The following PPARGC1A variants were observed in gnomAD, a reference collection of about 807,000 sequenced individuals.
PPARGC1A encodes the protein PPARG coactivator 1 alpha.
In PPARGC1A, 25 loss-of-function variants were observed where a neutral mutation model predicts 88.7. That is an observed-to-expected ratio of 0.28 (90% CI 0.21 to 0.39). The LOEUF is 0.39. PPARGC1A is among the 10% of genes least tolerant of loss of function. PPARGC1A has a pLI of 1.00. For synonymous variants in PPARGC1A, 363 were observed against 355.6 expected (o/e 1.02, Z -0.24); for missense variants, 880 against 968.7 (o/e 0.91, Z 1.22).
the PPARGC1A span, among the ~76,000 whole-genome samples, chr4:24,461,178 C>G: frequency 6.6e-6 from 1 of 152,224 alleles, no homozygotes; most frequent in Non-Finnish European, 1.5e-5. Flanking sequence ...TCTGCTTCAG[C>G]CTCCCAAACG....
chr4:24,458,436 G>T, the PPARGC1A span, among the ~76,000 whole-genome samples: 1 of 152,236 alleles, frequency 6.6e-6, no homozygotes, highest in African/African-American at 2.4e-5. Context: ...AGGAGGCAGA[G>T]GTTGCAGTGA....
chr4:24,179,600 C>T, the PPARGC1A span, among the ~76,000 whole-genome samples: 2 of 152,122 alleles, frequency 1.3e-5, no homozygotes, highest in African/African-American at 4.8e-5. Flanking sequence ...GCCTGACGAG[C>T]CCCCAATACA....
the PPARGC1A span, among the ~76,000 whole-genome samples, chr4:24,267,316 C>A: frequency 6.6e-6 from 1 of 152,112 alleles, no homozygotes; most frequent in Non-Finnish European, 1.5e-5. Context: ...TACAATGTAG[C>A]CCACAGAGAA....
the PPARGC1A span, among the ~76,000 whole-genome samples, chr4:24,359,984 T>C: frequency 3.9e-5 from 6 of 152,090 alleles, no homozygotes; most frequent in Non-Finnish European, 8.8e-5. Context: ...CCCATCTGAG[T>C]AGAAGGTAAA....
the PPARGC1A span, among the ~76,000 whole-genome samples, chr4:24,352,502 G>GT: frequency 1.2e-4 from 19 of 152,214 alleles, no homozygotes; most frequent in African/African-American, 4.6e-4. Flanking sequence ...ATGGCACCCA[G>GT]TTCATCCCCA....
At chr4:24,200,175 C>T in the PPARGC1A span, among the ~76,000 whole-genome samples, 22 of 151,990 alleles carry the variant, frequency 1.4e-4, no homozygotes, top group Admixed American at 2.0e-4. Flanking sequence ...CAGCATGATA[C>T]CACTATGTCA....
the PPARGC1A span, among the ~76,000 whole-genome samples, chr4:24,239,259 A>G: frequency 6.6e-6 from 1 of 152,226 alleles, no homozygotes; most frequent in Non-Finnish European, 1.5e-5. Flanking sequence ...CTGATGGTCC[A>G]TGAAGGAAAT....
the PPARGC1A span, among the ~76,000 whole-genome samples, chr4:23,912,867 C>T: frequency 7.3e-5 from 11 of 151,314 alleles, no homozygotes; most frequent in African/African-American, 2.7e-4. Context: ...CTGCTCACTA[C>T]AAACTCCGCT....
At chr4:24,270,646 T>C in the PPARGC1A span, among the ~76,000 whole-genome samples, 95,836 of 152,006 alleles carry the variant, frequency 0.63, 30,923 homozygotes, top group East Asian at 0.99. Context: ...AAAGGAAAGT[T>C]GTGTAACTTA....
At chr4:24,162,543 G>A in the PPARGC1A span, among the ~76,000 whole-genome samples, 1 of 151,522 alleles carries the variant, frequency 6.6e-6, no homozygotes, top group Non-Finnish European at 1.5e-5. Flanking sequence ...AAGATGAAGT[G>A]GGATACATAT....
chr4:23,829,762 T>C, intron 3 of PPARGC1A, 177 bp from the exon 4 acceptor site: 3 of 509,984 alleles, frequency 5.9e-6, no homozygotes, highest in East Asian at 4.2e-5. Context: ...ATTTAAAGAG[T>C]AGAAAAAAGT....
At chr4:24,438,179 T>C in the PPARGC1A span, among the ~76,000 whole-genome samples, 3 of 152,078 alleles carry the variant, frequency 2.0e-5, no homozygotes, top group Non-Finnish European at 4.4e-5. Context: ...CCCTTGGGGA[T>C]AGATTTGATG....
the PPARGC1A span, among the ~76,000 whole-genome samples, chr4:24,089,514 C>CTTTCT: frequency 9.8e-4 from 38 of 38,686 alleles, no homozygotes; most frequent in East Asian, 6.0e-3. Context: ...TCTTTTCTTT[C>CTTTCT]TTTTTTTTTT....
the PPARGC1A span, among the ~76,000 whole-genome samples, chr4:24,134,907 T>C: frequency 6.6e-6 from 1 of 152,068 alleles, no homozygotes; most frequent in Admixed American, 6.5e-5. Flanking sequence ...CAAAGAAAAA[T>C]GTAATTCTGG....
chr4:24,202,840 C>T, the PPARGC1A span, among the ~76,000 whole-genome samples: 18 of 152,286 alleles, frequency 1.2e-4, no homozygotes, highest in East Asian at 3.3e-3. Flanking sequence ...GCCCCTATTT[C>T]AGAAAAGAGT....
the PPARGC1A span, among the ~76,000 whole-genome samples, chr4:24,456,940 C>T: frequency 7.1e-3 from 1,081 of 152,166 alleles, 7 homozygotes; most frequent in Non-Finnish European, 0.011. Context: ...TTCCTGCACA[C>T]GCAGATGCTG....
chr4:24,470,277 G>GACACACACACAGAC, the PPARGC1A span, among the ~76,000 whole-genome samples: 3 of 110,676 alleles, frequency 2.7e-5, no homozygotes, highest in Non-Finnish European at 5.6e-5. The surrounding 1 kb of genome is among the most constrained non-coding windows in gnomAD (Gnocchi z 5.8). Flanking sequence ...GACAGACACA[G>GACACACACACAGAC]ACACACACAC....
the PPARGC1A span, among the ~76,000 whole-genome samples, chr4:24,387,766 G>GAGAAAGAAAGAAAGAAAGAAAGAA: frequency 1.9e-5 from 1 of 52,050 alleles, no homozygotes; most frequent in Admixed American, 2.9e-4. Flanking sequence ...GAGAGAGAGA[G>GAGAAAGAAAGAAAGAAAGAAAGAA]AGAAAGAAAG....
chr4:24,175,278 T>A, the PPARGC1A span, among the ~76,000 whole-genome samples: 1 of 152,032 alleles, frequency 6.6e-6, no homozygotes, highest in Non-Finnish European at 1.5e-5. Flanking sequence ...CCCATCCCTG[T>A]TATCAATGAT....
Sources: gnomAD v4.1 joint callset for allele counts (sites outside exome capture counted in the v4.1 genomes callset) on GRCh38, gnomAD v4.1.1 for gene constraint, Gnocchi (gnomAD v3.1) non-coding constraint, MANE v1.5 for transcripts, NCBI Gene and HGNC (gene_info 2026-07-23, HGNC 2026-07-21) for gene names.